ZCCHC8: variants seen among roughly 807,000 people sequenced by gnomAD.
ZCCHC8 encodes the protein zinc finger CCHC-type containing 8.
Under a neutral mutation model 70.6 loss-of-function variants are expected in ZCCHC8, and 27 were observed. The ratio of observed to expected loss-of-function variants is 0.38; its 90% CI spans 0.28 to 0.53. The LOEUF is 0.53. Ranked by LOEUF, ZCCHC8 falls within the 20% of genes least tolerant of loss-of-function variation. The probability of loss-of-function intolerance (pLI) is 0.81; values close to 1 mark genes in which losing one functional copy is unlikely to be tolerated. For missense variants in ZCCHC8, 737 were observed against 876.9 expected (o/e 0.84, Z 2.01); for synonymous variants, 293 against 317.4 (o/e 0.92, Z 0.82).
rs376827715 is a variant in ZCCHC8 at position 122,480,233 on chromosome 12, T to A, written c.1097A>T (p.Asn366Ile). The A allele has an allele frequency of 4.4e-6, 7 of 1,602,278 alleles. No individual in the cohort carries two copies. In the African/African-American group the frequency reaches 8.0e-5, roughly 18 times the overall value. The change falls in exon 11 of 14, where the codon AAC becomes ATC. Residue 366 changes from asparagine (N) to isoleucine (I), a missense_variant. Coordinates refer to ENST00000633063, the MANE Select transcript of ZCCHC8 (RefSeq NM_017612.5). ...AGTAGATATATTAAAACCAGGATAG[T>A]TGACCAATTTTGAGAGATCGTAAGT... is the stretch of plus-strand genomic sequence containing the variant. ...SVTYDLSKLV[N>I]YPGFNISTPR...
chr12:122,479,485 T>A (rs1444760472), intron 11 of ZCCHC8, among the ~76,000 whole-genome samples: 1 of 152,092 alleles, frequency 6.6e-6, no homozygotes, highest in African/African-American at 2.4e-5. Flanking sequence ...ATATAAAAAA[T>A]GAGAAATTTT....
Position 122,483,204 on chromosome 12 carries a change from A to C in ZCCHC8, c.671+75T>G. ...GAGTAAACCAGCAGTAAAGAACATG[A>C]ACTTTTCAAGCCAAAAGTTTATGAT... is the stretch of plus-strand genomic sequence containing the variant. On this transcript the variant is annotated intron_variant, in intron 7 of 13. Coordinates refer to ENST00000633063, the MANE Select transcript of ZCCHC8 (RefSeq NM_017612.5). The surrounding 1 kb of genome is among the most constrained non-coding windows in gnomAD (Gnocchi z 4.4). 1 of 1,383,560 alleles carries C rather than the reference A, an allele frequency of 7.2e-7. No homozygotes were observed. The allele number at this position is 1,383,560 out of a possible 1,614,324, so 85.7% of individuals were successfully genotyped here.
At chr12:122,489,211 A>C (rs1957700904) in intron 5 of ZCCHC8, among the ~76,000 whole-genome samples, 175 bp downstream of exon 5, 1 of 152,256 alleles carries the variant, frequency 6.6e-6, no homozygotes, top group Non-Finnish European at 1.5e-5. Context: ...TCACAACGCA[A>C]TCATTATTAA....
At chr12:122,475,986 T>C (rs191213204) in intron 13 of ZCCHC8, among the ~76,000 whole-genome samples, 2 of 152,368 alleles carry the variant, frequency 1.3e-5, no homozygotes, top group Non-Finnish European at 2.9e-5. Flanking sequence ...GGTAAATCCC[T>C]GCATTCATCC....
intron 2 of ZCCHC8, among the ~76,000 whole-genome samples, chr12:122,493,563 A>G (rs1957781458): frequency 6.6e-6 from 1 of 152,126 alleles, no homozygotes; most frequent in African/African-American, 2.4e-5. Flanking sequence ...CTGGGATTAT[A>G]GGCGAGCGCC....
At chr12:122,491,293 T>C (rs1354620186) in intron 3 of ZCCHC8, among the ~76,000 whole-genome samples, 3 of 152,154 alleles carry the variant, frequency 2.0e-5, no homozygotes, top group East Asian at 1.9e-4. Flanking sequence ...TTAAGATTTC[T>C]GTAGATGGGC....
At position 122,500,530 on chromosome 12, in the gene ZCCHC8, C is replaced by T. The variant is rs1157982287; in HGVS notation, c.199+112G>A. ...AGAAAGCACTTGGAATTCTGGCCCTCCTGGAACTTCCGCCCGCGCCCTCGC... is the reference window on the plus strand; with the variant it reads ...AGAAAGCACTTGGAATTCTGGCCCTTCTGGAACTTCCGCCCGCGCCCTCGC... On this transcript the variant is annotated intron_variant, in intron 1 of 13. Transcript: ENST00000633063. This position sits in a 1 kb window ranked among gnomAD's most constrained non-coding sequence, Gnocchi z 4.8. 1.5e-6 allele frequency: 2 copies of T among 1,311,076 alleles called. No individual in the cohort carries two copies. The highest frequency in any genetic ancestry group is 2.0e-6 in the Non-Finnish European group (2 of 983,914). 81.2% of individuals were successfully genotyped at this position (1,311,076 alleles called of 1,614,324 possible).
chr12:122,478,095 T>C, intron 12 of ZCCHC8, 111 bp downstream of exon 12: 1 of 1,260,086 alleles, frequency 7.9e-7, no homozygotes, highest in Non-Finnish European at 1.1e-6. Context: ...ACTGTTTTCC[T>C]TTTGGTTTGT....
At position 122,480,499 on chromosome 12, in the gene ZCCHC8, G is replaced by T. The variant is rs548782660; in HGVS notation, c.1019-188C>A. ...TTTTTTTTTTTTTTTTTGAGAAAGG[G>T]TCTTGCTTTGTCACCAGGCTGGAGT... On this transcript the variant is annotated intron_variant, in intron 10 of 13. Transcript: ENST00000633063. 1.6e-4 allele frequency: 73 copies of T among 449,556 alleles called. No homozygotes were observed. The South Asian group carries it at 2.3e-3, about 14-fold the overall frequency. 27.8% of individuals were successfully genotyped at this position (449,556 alleles called of 1,614,324 possible). A position where few individuals can be genotyped will look rare whatever the true frequency, so the allele number is the denominator to read the frequency against.
chr12:122,485,064 G>A (rs1291224677), intron 5 of ZCCHC8, among the ~76,000 whole-genome samples: 1 of 152,078 alleles, frequency 6.6e-6, no homozygotes, highest in Non-Finnish European at 1.5e-5. Flanking sequence ...CCTGACCCAT[G>A]GTATGTAGTA....
chr12:122,485,441 T>A (rs887176183), intron 5 of ZCCHC8, among the ~76,000 whole-genome samples: 1 of 152,136 alleles, frequency 6.6e-6, no homozygotes, highest in African/African-American at 2.4e-5. Context: ...ATTATTATTT[T>A]TTCACTGGGA....
In ZCCHC8 at chr12:122,500,574, C is replaced by A; in HGVS notation, c.199+68G>T. The A allele has an allele frequency of 6.7e-7, 1 of 1,486,208 alleles. No individual in the cohort carries two copies. The highest frequency in any genetic ancestry group is 9.0e-7 in the Non-Finnish European group (1 of 1,117,286). 92.1% of individuals were successfully genotyped at this position (1,486,208 alleles called of 1,614,324 possible). On this transcript the variant is annotated intron_variant, in intron 1 of 13. Coordinates refer to ENST00000633063, the MANE Select transcript of ZCCHC8 (RefSeq NM_017612.5). The surrounding 1 kb of genome is among the most constrained non-coding windows in gnomAD (Gnocchi z 4.8). ...CCCTCGCCCTCGCCCGGCGCTGCCC[C>A]GGCCCCACGCCTGGCGCTGCCCCGG...
intron 2 of ZCCHC8, among the ~76,000 whole-genome samples, chr12:122,495,650 C>A (rs887766151): frequency 3.3e-5 from 5 of 151,950 alleles, no homozygotes; most frequent in African/African-American, 1.2e-4. Flanking sequence ...GAGTTCAAGA[C>A]CAGCCTGACC....
chr12:122,489,522 G>T (rs1957707766), intron 4 of ZCCHC8, 59 bp from the exon 5 acceptor site: 1 of 1,439,128 alleles, frequency 6.9e-7, no homozygotes, highest in East Asian at 2.3e-5. Context: ...AGTTTAAATG[G>T]AAGTTAGTAA....
intron 3 of ZCCHC8, chr12:122,491,059 A>AAAGATAAAATCAAAATGCAAAGC (rs1957733835): frequency 6.6e-6 from 1 of 152,428 alleles, no homozygotes; most frequent in East Asian, 1.9e-4. Flanking sequence ...TGAAACTGGA[A>AAAGATAAAATCAAAATGCAAAGC]AAGATAAAAT....
Position 122,473,982 on chromosome 12 carries a change from T to C in ZCCHC8, c.1639A>G (p.Thr547Ala). 1.3e-6 allele frequency: 2 copies of C among 1,592,582 alleles called. No individual in the cohort carries two copies. Among genetic ancestry groups the C allele is most frequent in the African/African-American group, 2.7e-5 (2 of 74,044 alleles). Residue 547 changes from threonine (T) to alanine (A), a missense_variant, in exon 14 of 14, where the codon ACA becomes GCA. By Grantham distance (58) the Thr-to-Ala change is moderately conservative. Coordinates refer to ENST00000633063, the MANE Select transcript of ZCCHC8 (RefSeq NM_017612.5). ...GCAACGGAATTGCCAGTTAAAGGTG[T>C]GTCCACAGGAACGTCGGAGTCGCTG... Reference protein sequence around the residue: ...VNSDSDVPVDTPLTGNSVASS... With the variant: ...VNSDSDVPVDAPLTGNSVASS...
In ZCCHC8 at chr12:122,478,573, T is replaced by G. The variant is rs1957468628; in HGVS notation, c.1141-281A>C. On this transcript the variant is annotated intron_variant, in intron 11 of 13. Coordinates refer to ENST00000633063, the MANE Select transcript of ZCCHC8 (RefSeq NM_017612.5). ...AGAAGATGTAGGCAGGAGTGACTGCTATGGGGCCTCCCAGGCTCCAGTCTC... is the reference window on the plus strand; with the variant it reads ...AGAAGATGTAGGCAGGAGTGACTGCGATGGGGCCTCCCAGGCTCCAGTCTC... 3 of 303,342 alleles carry G rather than the reference T, an allele frequency of 9.9e-6. No homozygotes were observed. In the South Asian group the frequency reaches 1.3e-4, roughly 13 times the overall value. 18.8% of individuals were successfully genotyped at this position (303,342 alleles called of 1,614,324 possible).
Position 122,482,862 on chromosome 12 carries a change from G to T in ZCCHC8, c.672-167C>A, listed in dbSNP as rs1050438001. On this transcript the variant is annotated intron_variant, in intron 7 of 13. Coordinates refer to ENST00000633063, the MANE Select transcript of ZCCHC8 (RefSeq NM_017612.5). ...TACACTTTAATCTCCTTTATTTAGT[G>T]ATTTAAATAGTACTATGCAGAGTCT... 7 of 598,216 alleles carry T rather than the reference G, an allele frequency of 1.2e-5. No homozygotes were observed. The African/African-American group carries it at 1.3e-4, about 11-fold the overall frequency. The allele number at this position is 598,216 out of a possible 1,614,324, so 37.1% of individuals were successfully genotyped here. A position where few individuals can be genotyped will look rare whatever the true frequency, so the allele number is the denominator to read the frequency against.
chr12:122,474,340 T>C (rs1957375209), intron 13 of ZCCHC8, 65 bp from the exon 14 acceptor site: 1 of 1,311,752 alleles, frequency 7.6e-7, no homozygotes, highest in African/African-American at 1.5e-5. Flanking sequence ...CTAAAATTTG[T>C]TATTTGAACT....
Sources: allele counts gnomAD v4.1 joint callset (sites outside exome capture counted in the v4.1 genomes callset), GRCh38; gene constraint gnomAD v4.1.1; non-coding constraint Gnocchi (gnomAD v3.1); transcripts MANE v1.5; gene names NCBI Gene and HGNC (gene_info 2026-07-23, HGNC 2026-07-21).